Variants in C8orf34 observed in about 807,000 individuals in gnomAD.
The protein encoded by C8orf34 is uncharacterized protein C8orf34.
C8orf34 carries 65 observed loss-of-function variants against 68.3 expected under a neutral mutation model. The ratio of observed to expected loss-of-function variants is 0.95; its 90% CI spans 0.78 to 1.17. The LOEUF is 1.17. Among genes scored for constraint, C8orf34 ranks in the 50% most tolerant of loss-of-function variants. The pLI is 0.00. For synonymous variants in C8orf34, 244 were observed against 241.2 expected, an observed-to-expected ratio of 1.01 and a Z score of -0.11; for missense variants, 664 against 655.4, an observed-to-expected ratio of 1.01 and a Z score of -0.14.
intron 5 of C8orf34, among the ~76,000 whole-genome samples, chr8:68,491,338 C>T (rs766392181): frequency 4.3e-4 from 66 of 151,770 alleles, no homozygotes; most frequent in Non-Finnish European, 5.7e-4. Context: ...TCGATTGCTG[C>T]TGTGACACTT....
At chr8:68,523,263 G>A (rs1814835753) in intron 6 of C8orf34, among the ~76,000 whole-genome samples, 1 of 151,948 alleles carries the variant, frequency 6.6e-6, no homozygotes, top group Non-Finnish European at 1.5e-5. Context: ...TTATTCATTG[G>A]TAGATCTTTA....
intron 10 of C8orf34, among the ~76,000 whole-genome samples, chr8:68,773,838 C>T (rs1299322592): frequency 6.6e-6 from 1 of 151,334 alleles, no homozygotes; most frequent in Non-Finnish European, 1.5e-5. Flanking sequence ...AGATATGACA[C>T]TGACACTAAG....
At chr8:68,730,583 C>A (rs539392800) in intron 10 of C8orf34, among the ~76,000 whole-genome samples, 1 of 151,956 alleles carries the variant, frequency 6.6e-6, no homozygotes, top group Non-Finnish European at 1.5e-5. Context: ...CTAAATGTTA[C>A]ATTTGCATAG....
rs968739703 is a variant in C8orf34 at position 68,706,973 on chromosome 8, C to A, written c.1242-2021C>A. Among the ~76,000 whole-genome samples, 4 of 152,056 alleles carry A rather than the reference C, an allele frequency of 2.6e-5. No individual in the cohort carries two copies. The East Asian group carries it at 7.7e-4, about 29-fold the overall frequency. On this transcript the variant is annotated intron_variant, in intron 8 of 13. Transcript: ENST00000518698. The stretch of plus-strand genomic sequence containing the variant: ...GAGCAGCCAACATTCTGTTTAGGGG[C>A]TGAAAATATAAGGGAGTCTGTTTAA...
At chr8:68,805,944 T>G (rs1463625775) in intron 12 of C8orf34, among the ~76,000 whole-genome samples, 4 of 152,068 alleles carry the variant, frequency 2.6e-5, no homozygotes, top group East Asian at 1.9e-4. Context: ...TTTGGGATAA[T>G]TTTTTTGTTA....
At chr8:68,495,078 T>G (rs1158041598) in intron 5 of C8orf34, among the ~76,000 whole-genome samples, 1 of 151,708 alleles carries the variant, frequency 6.6e-6, no homozygotes, top group Non-Finnish European at 1.5e-5. Flanking sequence ...GAGGTCTCAA[T>G]AGCGAAGTAC....
At chr8:68,753,164 G>A (rs1158270415) in intron 10 of C8orf34, among the ~76,000 whole-genome samples, 6 of 152,094 alleles carry the variant, frequency 3.9e-5, no homozygotes, top group South Asian at 2.1e-4. Flanking sequence ...ACATGTTCTC[G>A]TAGATAAAGG....
intron 5 of C8orf34, among the ~76,000 whole-genome samples, chr8:68,514,124 A>G (rs1814401946): frequency 6.6e-6 from 1 of 152,124 alleles, no homozygotes; most frequent in African/African-American, 2.4e-5. Flanking sequence ...TGAGTAAGAC[A>G]TGGTTTTATT....
At chr8:68,688,570 A>T (rs1244719501) in intron 8 of C8orf34, among the ~76,000 whole-genome samples, 2 of 152,160 alleles carry the variant, frequency 1.3e-5, no homozygotes, top group African/African-American at 4.8e-5. Context: ...AATTGCAAAG[A>T]CATGGAACCA....
intron 1 of C8orf34, among the ~76,000 whole-genome samples, chr8:68,428,278 A>T (rs1294566622): frequency 2.0e-5 from 3 of 152,088 alleles, no homozygotes; most frequent in Non-Finnish European, 4.4e-5. Context: ...CAAGGAAAAA[A>T]TAAGAGCAGT....
At chr8:68,699,987 G>T (rs1052650275) in intron 8 of C8orf34, among the ~76,000 whole-genome samples, 2 of 152,020 alleles carry the variant, frequency 1.3e-5, no homozygotes, top group South Asian at 2.1e-4. Context: ...ATGTTCAGAG[G>T]TTCTTGCGAA....
At chr8:68,758,055 C>T (rs367878448) in intron 10 of C8orf34, among the ~76,000 whole-genome samples, 24 of 152,238 alleles carry the variant, frequency 1.6e-4, no homozygotes, top group African/African-American at 5.3e-4. Flanking sequence ...CAAATATTTA[C>T]TGCGTGCCTG....
intron 10 of C8orf34, among the ~76,000 whole-genome samples, chr8:68,766,094 T>G (rs772055821): frequency 1.3e-5 from 2 of 152,202 alleles, no homozygotes; most frequent in Non-Finnish European, 2.9e-5. Flanking sequence ...AGAGAAATGT[T>G]TCCCTAAATA....
At chr8:68,392,025 T>A (rs991770220) in intron 1 of C8orf34, among the ~76,000 whole-genome samples, 11 of 152,204 alleles carry the variant, frequency 7.2e-5, no homozygotes, top group African/African-American at 2.7e-4. Flanking sequence ...GAAATACTTT[T>A]GATGCCTTTG....
intron 3 of C8orf34, among the ~76,000 whole-genome samples, chr8:68,466,752 T>TAC (rs1812161051): frequency 1.4e-5 from 2 of 141,416 alleles, no homozygotes; most frequent in South Asian, 4.3e-4. Context: ...TATATATATA[T>TAC]ATATATATAT....
At chr8:68,532,785 T>C (rs1234594923) in intron 6 of C8orf34, among the ~76,000 whole-genome samples, 198 bp from the exon 7 acceptor site, 1 of 152,154 alleles carries the variant, frequency 6.6e-6, no homozygotes, top group Admixed American at 6.6e-5. Flanking sequence ...GTGAGCCAAA[T>C]TTCAGTTTCC....
At chr8:68,389,278 A>G (rs1314724963) in intron 1 of C8orf34, among the ~76,000 whole-genome samples, 1 of 152,160 alleles carries the variant, frequency 6.6e-6, no homozygotes, top group African/African-American at 2.4e-5. Flanking sequence ...TTCATGATCT[A>G]TGTTCTTGGA....
intron 1 of C8orf34, among the ~76,000 whole-genome samples, chr8:68,385,112 A>C (rs1213393217): frequency 6.6e-6 from 1 of 152,206 alleles, no homozygotes; most frequent in East Asian, 1.9e-4. Flanking sequence ...TGTCCTCTTT[A>C]ATTAATAAGC....
intron 7 of C8orf34, among the ~76,000 whole-genome samples, chr8:68,539,324 C>T (rs1024943227): frequency 6.6e-6 from 1 of 152,254 alleles, no homozygotes; most frequent in East Asian, 1.9e-4. Flanking sequence ...GAAAGCAGTG[C>T]AAAATCATAA....
Sources: gnomAD v4.1 joint callset for allele counts (sites outside exome capture counted in the v4.1 genomes callset) on GRCh38, gnomAD v4.1.1 for gene constraint, MANE v1.5 for transcripts, NCBI Gene and HGNC (gene_info 2026-07-23, HGNC 2026-07-21) for gene names.